NDUFAF2: variants seen among roughly 807,000 people sequenced by gnomAD.
NDUFAF2 encodes the protein NADH:ubiquinone oxidoreductase complex assembly factor 2.
A neutral mutation model predicts 22.8 loss-of-function variants in NDUFAF2; 13 were observed. The observed-to-expected ratio is 0.57, with a 90% confidence interval of 0.37 to 0.91. NDUFAF2 has a LOEUF of 0.91. Ranked by LOEUF, NDUFAF2 falls within the 40% of genes least tolerant of loss-of-function variation. The pLI is 0.01. For missense variants in NDUFAF2, 162 were observed against 195.2 expected (o/e 0.83, Z 1.01); for synonymous variants, 53 against 64.2 (o/e 0.83, Z 0.84).
chr5:61,037,807 T>C (rs1230185866), intron 1 of NDUFAF2, among the ~76,000 whole-genome samples: 1 of 152,090 alleles, frequency 6.6e-6, no homozygotes, highest in African/African-American at 2.4e-5. Context: ...TGAATAGTTC[T>C]GAAGGATTTA....
chr5:61,088,533 A>G (rs1752531511), intron 2 of NDUFAF2, among the ~76,000 whole-genome samples: 2 of 152,086 alleles, frequency 1.3e-5, no homozygotes, highest in Non-Finnish European at 2.9e-5. Context: ...TAATTACAGG[A>G]TTGTAAATAT....
intron 1 of NDUFAF2, among the ~76,000 whole-genome samples, chr5:61,036,370 A>G (rs1751800089): frequency 6.6e-6 from 1 of 152,250 alleles, no homozygotes; most frequent in African/African-American, 2.4e-5. Flanking sequence ...TCTTCACCCA[A>G]GTGGATCATA....
intron 1 of NDUFAF2, among the ~76,000 whole-genome samples, chr5:61,061,312 TTCA>T (rs1445203403): frequency 6.6e-6 from 1 of 152,146 alleles, no homozygotes; most frequent in Non-Finnish European, 1.5e-5. Context: ...ACATTTACTA[TTCA>T]TCATCATGGT....
intron 3 of NDUFAF2, chr5:61,116,486 A>G (rs1446372999): frequency 6.6e-6 from 1 of 152,208 alleles, no homozygotes; most frequent in African/African-American, 2.4e-5. Flanking sequence ...GAAGGGTTAG[A>G]ACCTTCTATT....
intron 1 of NDUFAF2, among the ~76,000 whole-genome samples, chr5:60,945,634 G>A (rs1156354038): frequency 1.3e-5 from 2 of 152,172 alleles, no homozygotes; most frequent in Non-Finnish European, 2.9e-5. Flanking sequence ...TTCCCCCGGC[G>A]TGCCCCGGGC....
intron 1 of NDUFAF2, among the ~76,000 whole-genome samples, chr5:61,018,571 CATAA>C (rs996074038): frequency 1.3e-5 from 2 of 152,024 alleles, no homozygotes; most frequent in South Asian, 2.1e-4. Context: ...TAGAATTTAA[CATAA>C]GTATTTTAAG....
At chr5:60,953,268 CA>C (rs1366364649) in intron 1 of NDUFAF2, among the ~76,000 whole-genome samples, 2 of 151,962 alleles carry the variant, frequency 1.3e-5, no homozygotes, top group African/African-American at 4.8e-5. Flanking sequence ...AAAATGAGTT[CA>C]GGGTTTTTTT....
chr5:61,014,543 A>G (rs1751482821), intron 1 of NDUFAF2, among the ~76,000 whole-genome samples: 1 of 152,110 alleles, frequency 6.6e-6, no homozygotes, highest in Admixed American at 6.5e-5. Flanking sequence ...CTAATTTATA[A>G]CTGGTTGGTA....
intron 1 of NDUFAF2, among the ~76,000 whole-genome samples, chr5:61,062,069 A>G (rs190511691): frequency 6.6e-6 from 1 of 152,312 alleles, no homozygotes; most frequent in African/African-American, 2.4e-5. Context: ...GTCTTCACCT[A>G]TAAAAACCAC....
intron 1 of NDUFAF2, among the ~76,000 whole-genome samples, chr5:60,997,661 T>C (rs1270159051): frequency 6.6e-6 from 1 of 152,224 alleles, no homozygotes; most frequent in Non-Finnish European, 1.5e-5. Context: ...AATTATATTT[T>C]TCCTTTTTCA....
intron 3 of NDUFAF2, among the ~76,000 whole-genome samples, chr5:61,118,140 C>T (rs1489735493): frequency 1.3e-5 from 2 of 152,140 alleles, no homozygotes; most frequent in Non-Finnish European, 2.9e-5. Context: ...ATCTGTCTCC[C>T]ACTTTTCAGA....
At chr5:61,102,444 A>T (rs1382691392) in intron 3 of NDUFAF2, among the ~76,000 whole-genome samples, 2 of 152,118 alleles carry the variant, frequency 1.3e-5, no homozygotes, top group Non-Finnish European at 2.9e-5. Context: ...TCTTTTTAGC[A>T]AATGGTTCTG....
chr5:61,092,201 C>T (rs892903286), intron 2 of NDUFAF2, among the ~76,000 whole-genome samples: 1 of 152,052 alleles, frequency 6.6e-6, no homozygotes, highest in African/African-American at 2.4e-5. Flanking sequence ...GCTATTCAGG[C>T]TCTTTTTTGG....
At chr5:61,024,213 T>C (rs894697946) in intron 1 of NDUFAF2, among the ~76,000 whole-genome samples, 7 of 152,148 alleles carry the variant, frequency 4.6e-5, no homozygotes, top group Non-Finnish European at 1.0e-4. Context: ...TTAAGGATAT[T>C]GGTTGATTCT....
intron 3 of NDUFAF2, among the ~76,000 whole-genome samples, chr5:61,141,801 C>T (rs1007489526): frequency 1.3e-5 from 2 of 152,202 alleles, no homozygotes; most frequent in African/African-American, 4.8e-5. Flanking sequence ...TTCTCTAGGG[C>T]AGGCTCTATA....
chr5:61,014,914 T>C (rs1751486316), intron 1 of NDUFAF2, among the ~76,000 whole-genome samples: 1 of 152,234 alleles, frequency 6.6e-6, no homozygotes, highest in Non-Finnish European at 1.5e-5. Context: ...TTTTAGAAAG[T>C]TGTTAAACTC....
intron 1 of NDUFAF2, among the ~76,000 whole-genome samples, chr5:60,970,680 C>G (rs1333527847): frequency 2.0e-5 from 3 of 152,112 alleles, no homozygotes; most frequent in African/African-American, 4.8e-5. Flanking sequence ...TTTGGATGCC[C>G]TTTCTTTCTC....
intron 1 of NDUFAF2, among the ~76,000 whole-genome samples, chr5:60,996,727 C>T (rs1580086461): frequency 6.6e-6 from 1 of 152,120 alleles, no homozygotes; most frequent in Non-Finnish European, 1.5e-5. Flanking sequence ...ATTAGTGATT[C>T]CCCTCTGGCT....
rs201706832 is a variant in NDUFAF2, at chr5:60,965,653, C to T, written c.127+20271C>T. 7.9e-5 allele frequency among the ~76,000 whole-genome samples: 12 copies of T among 152,232 alleles called. No individual in the cohort carries two copies. In the East Asian group the frequency reaches 1.7e-3, roughly 22 times the overall value. On this transcript the variant is annotated intron_variant, in intron 1 of 3. Coordinates refer to ENST00000296597, the MANE Select transcript of NDUFAF2 (RefSeq NM_174889.5). ...TTTGTGCCTGTCTTATTTCACTTAG[C>T]GTAGTATCTTCCAGGTTCATTCATG...
Sources: allele counts gnomAD v4.1 joint callset (sites outside exome capture counted in the v4.1 genomes callset), GRCh38; gene constraint gnomAD v4.1.1; transcripts MANE v1.5; gene names NCBI Gene and HGNC (gene_info 2026-07-23, HGNC 2026-07-21).